Variants in ADAMTSL1 observed in about 807,000 individuals in gnomAD.
ADAMTSL1 encodes ADAMTS like 1.
In ADAMTSL1, 126 loss-of-function variants were observed where a neutral mutation model predicts 201.8. The ratio of observed to expected loss-of-function variants is 0.62; its 90% CI spans 0.54 to 0.72. ADAMTSL1 has a LOEUF of 0.72. Ranked by LOEUF, ADAMTSL1 falls within the 30% of genes least tolerant of loss-of-function variation. The pLI is 0.00. For synonymous variants in ADAMTSL1, 1,121 were observed against 903.4 expected (o/e 1.24, Z -4.32); for missense variants, 2,679 against 2,277.8 (o/e 1.18, Z -3.59).
chr9:18,428,309 C>A (rs962714305), intron 2 of ADAMTSL1, among the ~76,000 whole-genome samples: 1 of 151,812 alleles, frequency 6.6e-6, no homozygotes, highest in African/African-American at 2.4e-5. Flanking sequence ...GCCGGGTTTG[C>A]CATCCCACAT....
chr9:18,873,896 A>G lies in ADAMTSL1; in HGVS notation c.4250-13935A>G, dbSNP rs538619412. Among the ~76,000 whole-genome samples the G allele has an allele frequency of 3.9e-5, 6 of 152,050 alleles. No individual in the cohort carries two copies. In the South Asian group the frequency reaches 1.0e-3, roughly 26 times the overall value. ...TTAGATGACTTTTGGCAGTATGGTC[A>G]TTTTCACAATATTGATTCTACCCAT... On this transcript the variant is annotated intron_variant, in intron 23 of 28. Coordinates refer to ENST00000380548, the MANE Select transcript of ADAMTSL1 (RefSeq NM_001040272.6).
intron 2 of ADAMTSL1, among the ~76,000 whole-genome samples, chr9:18,415,630 T>C (rs1818640955): frequency 6.6e-6 from 1 of 151,724 alleles, no homozygotes; most frequent in Admixed American, 6.6e-5. Context: ...AAATACTATT[T>C]GAAGAAATGG....
intron 3 of ADAMTSL1, among the ~76,000 whole-genome samples, chr9:18,570,234 A>AG (rs1376720061): frequency 1.3e-5 from 2 of 152,020 alleles, no homozygotes; most frequent in African/African-American, 4.8e-5. Context: ...GGAAAAAAAA[A>AG]AAAAGACCAA....
chr9:18,287,654 T>C (rs201025415), intron 2 of ADAMTSL1, among the ~76,000 whole-genome samples: 3 of 46,342 alleles, frequency 6.5e-5, no homozygotes, highest in African/African-American at 1.6e-4. Context: ...TGTATACATA[T>C]ACACATATAT....
At position 18,213,990 on chromosome 9, in the gene ADAMTSL1, G is replaced by A. The variant is rs551758862; in HGVS notation, c.207+50009G>A. Among the ~76,000 whole-genome samples the A allele has an allele frequency of 1.6e-4, 25 of 152,238 alleles. No homozygotes were observed. In the South Asian group the frequency reaches 5.2e-3, roughly 32 times the overall value. ...GACCTCAGGCAATCTACCCGCCTGG[G>A]CCTCCCAAAGTGCTGGGATTACAGG... On this transcript the variant is annotated intron_variant, in intron 2 of 29. Coordinates refer to the ADAMTSL1 transcript ENST00000680146.
At chr9:18,212,792 C>T (rs188854165) in intron 2 of ADAMTSL1, among the ~76,000 whole-genome samples, 4 of 152,162 alleles carry the variant, frequency 2.6e-5, no homozygotes, top group East Asian at 3.9e-4. Flanking sequence ...TTGGTGTGGA[C>T]GATAACCCTT....
chr9:18,320,534 G>A (rs1350964955), intron 2 of ADAMTSL1, among the ~76,000 whole-genome samples: 2 of 152,182 alleles, frequency 1.3e-5, no homozygotes, highest in East Asian at 3.9e-4. Flanking sequence ...AAGATGAAGG[G>A]AAATGATAGC....
chr9:18,480,814 T>C (rs1176589701), intron 1 of ADAMTSL1, among the ~76,000 whole-genome samples: 1 of 152,160 alleles, frequency 6.6e-6, no homozygotes. Flanking sequence ...GGGGTATGTG[T>C]CAGTACTACA....
chr9:18,022,938 T>C (rs1820538995), intron 1 of ADAMTSL1, among the ~76,000 whole-genome samples: 1 of 152,098 alleles, frequency 6.6e-6, no homozygotes, highest in African/African-American at 2.4e-5. Flanking sequence ...CCTCCCATCC[T>C]TCTCCACCTT....
intron 13 of ADAMTSL1, among the ~76,000 whole-genome samples, chr9:18,703,701 C>CATATATATAT (rs72258520): frequency 0.053 from 4,134 of 78,218 alleles, 267 homozygotes; most frequent in Non-Finnish European, 0.065. Flanking sequence ...TGCGCACATA[C>CATATATATAT]ATATATATAT....
chr9:18,613,604 A>T (rs1825517836), intron 4 of ADAMTSL1, among the ~76,000 whole-genome samples: 1 of 152,152 alleles, frequency 6.6e-6, no homozygotes. Flanking sequence ...TAACAAACTG[A>T]CACAAGAACA....
intron 23 of ADAMTSL1, among the ~76,000 whole-genome samples, chr9:18,868,377 T>G (rs1827673973): frequency 6.6e-6 from 1 of 152,242 alleles, no homozygotes; most frequent in Non-Finnish European, 1.5e-5. Flanking sequence ...GGCTATCTAC[T>G]GGTCAGTGCA....
Position 18,905,886 on chromosome 9 carries a change from T to A in ADAMTSL1, c.4956T>A (p.Leu1652=). The A allele has an allele frequency of 1.2e-6, 2 of 1,606,832 alleles. No individual in the cohort carries two copies. Among genetic ancestry groups the A allele is most frequent in the Non-Finnish European group, 1.7e-6 (2 of 1,175,300 alleles). Residue 1652 remains leucine (L), a synonymous_variant, in exon 27 of 29, where the codon CTT becomes CTA. Coordinates refer to ENST00000380548, the MANE Select transcript of ADAMTSL1 (RefSeq NM_001040272.6). ...ITLPSEQCSA[L]PRPVSTQNCW... ...TACCATCAGAGCAGTGCAGTGCTCT[T>A]CCGAGGTAAGAGAAAGCCCTGAATC...
At chr9:17,944,892 G>T in intron 1 of ADAMTSL1, among the ~76,000 whole-genome samples, 2 of 116,324 alleles carry the variant, frequency 1.7e-5, no homozygotes, top group African/African-American at 3.2e-5. Context: ...TACCATTCAG[G>T]ACATAGGCAT....
chr9:18,254,964 G>C (rs528589738), intron 2 of ADAMTSL1, among the ~76,000 whole-genome samples: 3 of 152,092 alleles, frequency 2.0e-5, no homozygotes, highest in African/African-American at 7.2e-5. Flanking sequence ...GCTCACCTGC[G>C]TTTGATGATC....
intron 4 of ADAMTSL1, among the ~76,000 whole-genome samples, chr9:18,580,772 A>G (rs1220411197): frequency 6.6e-6 from 1 of 152,208 alleles, no homozygotes; most frequent in Non-Finnish European, 1.5e-5. Context: ...TATGCTAAAT[A>G]CTGAAAATAC....
chr9:17,972,432 C>A (rs372946564), intron 1 of ADAMTSL1, among the ~76,000 whole-genome samples: 2 of 150,654 alleles, frequency 1.3e-5, no homozygotes, highest in African/African-American at 4.9e-5. Flanking sequence ...TTTGTCCTTG[C>A]GATAGTTTGC....
At chr9:18,244,461 C>T (rs1205748066) in intron 2 of ADAMTSL1, among the ~76,000 whole-genome samples, 2 of 152,090 alleles carry the variant, frequency 1.3e-5, no homozygotes, top group Non-Finnish European at 2.9e-5. Flanking sequence ...TCATCCCACA[C>T]CCCATGTACT....
At chr9:18,250,638 C>A (rs1229916157) in intron 2 of ADAMTSL1, among the ~76,000 whole-genome samples, 1 of 147,702 alleles carries the variant, frequency 6.8e-6, no homozygotes. Flanking sequence ...ACACCTGAAT[C>A]AGTGCTGTGG....
Sources: gnomAD v4.1 joint callset for allele counts (sites outside exome capture counted in the v4.1 genomes callset) on GRCh38, gnomAD v4.1.1 for gene constraint, MANE v1.5 for transcripts, NCBI Gene and HGNC (gene_info 2026-07-23, HGNC 2026-07-21) for gene names.